DPT: variants seen among roughly 807,000 people sequenced by gnomAD.
DPT encodes tyrosine-rich acidic matrix protein.
DPT carries 21 observed loss-of-function variants against 31.2 expected under a neutral mutation model. The observed-to-expected ratio is 0.67, with a 90% CI of 0.48 to 0.97. The LOEUF (loss-of-function observed/expected upper bound fraction) is 0.97, where lower values mean the gene tolerates loss of function less well. DPT is among the 50% of genes least tolerant of loss of function. The pLI, the probability that DPT is intolerant of heterozygous loss-of-function variation, is 0.00. For synonymous variants in DPT, 91 were observed against 86.9 expected (o/e 1.05, Z -0.26); for missense variants, 262 against 258.8 (o/e 1.01, Z -0.08).
chr1:168,728,742 G>A, intron 1 of DPT, 128 bp downstream of exon 1: 1 of 1,146,712 alleles, frequency 8.7e-7, no homozygotes. Flanking sequence ...AGCATGCAGT[G>A]GTGAGGTTTG....
At chr1:168,717,463 T>A (rs1023847511) in intron 1 of DPT, among the ~76,000 whole-genome samples, 1 of 152,220 alleles carries the variant, frequency 6.6e-6, no homozygotes, top group Non-Finnish European at 1.5e-5. Context: ...TAGACCTTTG[T>A]CAGATGGGTA....
intron 1 of DPT, among the ~76,000 whole-genome samples, chr1:168,722,472 T>A (rs1650139612): frequency 6.6e-6 from 1 of 152,196 alleles, no homozygotes; most frequent in Non-Finnish European, 1.5e-5. Context: ...ATAAATAACC[T>A]TTATCAAGGA....
chr1:168,724,415 G>T (rs1046140223), intron 1 of DPT, among the ~76,000 whole-genome samples: 2 of 152,264 alleles, frequency 1.3e-5, no homozygotes, highest in South Asian at 2.1e-4. Flanking sequence ...CTGCTGATTT[G>T]GTCTTTCACT....
intron 1 of DPT, among the ~76,000 whole-genome samples, chr1:168,714,667 C>A (rs574818676): frequency 2.0e-5 from 3 of 151,946 alleles, no homozygotes; most frequent in African/African-American, 7.3e-5. Context: ...TTTACAAATT[C>A]GAGATTGTAT....
At chr1:168,712,948 G>T (rs1176605310) in intron 2 of DPT, among the ~76,000 whole-genome samples, 4 of 152,098 alleles carry the variant, frequency 2.6e-5, no homozygotes, top group African/African-American at 4.8e-5. Context: ...ACTCAAAAAA[G>T]GTGGTCATCA....
At chr1:168,702,960 C>T (rs972995939) in intron 2 of DPT, among the ~76,000 whole-genome samples, 5 of 152,078 alleles carry the variant, frequency 3.3e-5, no homozygotes, top group Admixed American at 6.6e-5. Context: ...TTGGATCCCA[C>T]TGATTTATGA....
In DPT at chr1:168,728,576, G is replaced by A. The variant is rs371603160; in HGVS notation, c.305+294C>T. Among the ~76,000 whole-genome samples the A allele has an allele frequency of 5.9e-5, 9 of 151,742 alleles. No individual in the cohort carries two copies. In the South Asian group the frequency reaches 8.4e-4, roughly 14 times the overall value. On this transcript the variant is annotated intron_variant, in intron 1 of 3. Transcript: ENST00000367817. ...TGGTAGTCTGGTAAGCAAGCTTCTC[G>A]CCGACCTACACCAGCCCCTGGCCCA... is the stretch of plus-strand genomic sequence containing the variant.
intron 2 of DPT, among the ~76,000 whole-genome samples, chr1:168,713,987 G>A (rs183990141): frequency 4.5e-4 from 68 of 152,252 alleles, no homozygotes; most frequent in African/African-American, 1.5e-3. Context: ...AGTCAGTGCC[G>A]GCTCTATGGT....
intron 2 of DPT, among the ~76,000 whole-genome samples, 159 bp downstream of exon 2, chr1:168,714,062 C>T (rs1054459372): frequency 7.9e-5 from 12 of 152,140 alleles, no homozygotes; most frequent in Non-Finnish European, 1.5e-4. Flanking sequence ...TCCCTCTTGG[C>T]GGGAACATCC....
intron 1 of DPT, among the ~76,000 whole-genome samples, chr1:168,717,295 C>G (rs1650004914): frequency 1.3e-5 from 2 of 152,310 alleles, no homozygotes; most frequent in South Asian, 2.1e-4. Flanking sequence ...TTGCATTTCT[C>G]TAATGATCAG....
Position 168,729,016 on chromosome 1 carries a change from C to T in DPT, c.159G>A (p.Gly53=). The change falls in exon 1 of 4, where the codon GGG becomes GGA. Residue 53 remains glycine (G), a synonymous_variant. Transcript: ENST00000367817. ...TGCTCCTCACGGCCACTATCACCTG[C>T]CCCTGGGGACACTGGTAGCTGAAGC... ...RQGFSYQCPQ[G]QVIVAVRSIF... 1 of 1,614,242 alleles carries T rather than the reference C, an allele frequency of 6.2e-7. No homozygotes were observed.
At chr1:168,724,475 G>A (rs1437626545) in intron 1 of DPT, among the ~76,000 whole-genome samples, 1 of 152,118 alleles carries the variant, frequency 6.6e-6, no homozygotes, top group East Asian at 1.9e-4. Context: ...TAGGCACTGG[G>A]GATACAGTGG....
chr1:168,703,931 G>A (rs768221269), intron 2 of DPT, among the ~76,000 whole-genome samples: 1 of 151,828 alleles, frequency 6.6e-6, no homozygotes, highest in Non-Finnish European at 1.5e-5. Context: ...ATGTGCACGC[G>A]CACACACACA....
intron 1 of DPT, among the ~76,000 whole-genome samples, chr1:168,718,166 T>C (rs533566442): frequency 3.9e-5 from 6 of 152,390 alleles, no homozygotes; most frequent in Non-Finnish European, 8.8e-5. Context: ...TCCATTGTTT[T>C]GGCTTGTCTT....
chr1:168,698,858 G>C (rs546483492), intron 3 of DPT, among the ~76,000 whole-genome samples: 2 of 152,242 alleles, frequency 1.3e-5, no homozygotes, highest in African/African-American at 4.8e-5. Flanking sequence ...CCAAGCTGGG[G>C]ACCTCAGCAT....
intron 2 of DPT, among the ~76,000 whole-genome samples, chr1:168,705,450 C>A (rs1331656222): frequency 6.6e-6 from 1 of 152,138 alleles, no homozygotes; most frequent in Admixed American, 6.5e-5. Context: ...CAGAAAAGCA[C>A]ACACCACAGA....
chr1:168,729,136 G>A lies in DPT; in HGVS notation c.39C>T (p.Val13=), dbSNP rs1248791514. The A allele has an allele frequency of 1.1e-5, 18 of 1,614,054 alleles. No individual in the cohort carries two copies. The highest frequency in any genetic ancestry group is 1.4e-5 in the Non-Finnish European group (17 of 1,180,020). ...LSLLWVLLPL[V]TMAWGQYGDY... is the part of the protein sequence containing the mutation. ...CGCCATACTGGCCCCAGGCCATGGT[G>A]ACTAGGGGCAGAAGTACCCAGAGAA... The change falls in exon 1 of 4, where the codon GTC becomes GTT. Residue 13 remains valine (V), a synonymous_variant. Transcript: ENST00000367817.
In DPT at chr1:168,701,933, T is replaced by C. The variant is rs572221974; in HGVS notation, c.432-809A>G. ...TAGTACATGGTAGGTGTTGAATCAC[T>C]AAGAACTATTTTGTTTCTTCTTCCT... is the stretch of plus-strand genomic sequence containing the variant. On this transcript the variant is annotated intron_variant, in intron 2 of 3. Coordinates refer to ENST00000367817, the MANE Select transcript of DPT (RefSeq NM_001937.5). 2.6e-5 allele frequency among the ~76,000 whole-genome samples: 4 copies of C among 152,356 alleles called. No individual in the cohort carries two copies. The East Asian group carries it at 5.8e-4, about 22-fold the overall frequency.
At chr1:168,704,977 A>G (rs1389652534) in intron 2 of DPT, among the ~76,000 whole-genome samples, 1 of 152,214 alleles carries the variant, frequency 6.6e-6, no homozygotes, top group Non-Finnish European at 1.5e-5. Flanking sequence ...CTCCGTTGCC[A>G]CAAGAACAGA....
Sources: gnomAD v4.1 joint callset for allele counts (sites outside exome capture counted in the v4.1 genomes callset) on GRCh38, gnomAD v4.1.1 for gene constraint, MANE v1.5 for transcripts, NCBI Gene and HGNC (gene_info 2026-07-23, HGNC 2026-07-21) for gene names.